Variants in PARD6G observed in about 807,000 individuals in gnomAD.
The protein encoded by PARD6G is partitioning defective 6 homolog gamma.
Under a neutral mutation model 10.7 loss-of-function variants are expected in PARD6G, and 7 were observed. The ratio of observed to expected loss-of-function variants is 0.66; its 90% confidence interval spans 0.37 to 1.23. The LOEUF is 1.23. Among genes scored for constraint, PARD6G ranks in the 50% most tolerant of loss-of-function variants. The pLI, the probability that PARD6G is intolerant of heterozygous loss-of-function variation, is 0.02. For synonymous variants in PARD6G, 287 were observed against 269.4 expected (o/e 1.07, Z -0.64); for missense variants, 548 against 571.8 (o/e 0.96, Z 0.42).
At position 80,200,546 on chromosome 18, in the gene PARD6G, G is replaced by A. The variant is rs1966998719; in HGVS notation, c.295+2164C>T. Among the ~76,000 whole-genome samples the A allele has an allele frequency of 6.6e-6, 1 of 152,160 alleles. No individual in the cohort carries two copies. The highest frequency in any genetic ancestry group is 1.5e-5 in the Non-Finnish European group (1 of 68,034). On this transcript the variant is annotated intron_variant, in intron 2 of 2. Transcript: ENST00000353265. This position sits in a 1 kb window ranked among gnomAD's most constrained non-coding sequence, Gnocchi z 4.4. ...TGTGTCACAAAGCCAGGGAGAAGGTGGGGTCTGAGTTCAGGTCTCCCTAGC... is the reference window on the plus strand; with the variant it reads ...TGTGTCACAAAGCCAGGGAGAAGGTAGGGTCTGAGTTCAGGTCTCCCTAGC...
intron 2 of PARD6G, among the ~76,000 whole-genome samples, chr18:80,168,282 A>G (rs754264200): frequency 2.0e-5 from 3 of 152,202 alleles, no homozygotes; most frequent in Admixed American, 6.5e-5. Flanking sequence ...TTCAGACAAC[A>G]ATCCGTTTCT....
intron 1 of PARD6G, among the ~76,000 whole-genome samples, chr18:80,207,877 C>A (rs778045806): frequency 6.6e-6 from 1 of 151,912 alleles, no homozygotes; most frequent in Non-Finnish European, 1.5e-5. Flanking sequence ...AATATTAGGA[C>A]AAAAATCTCT....
chr18:80,158,902 A>C lies in PARD6G; in HGVS notation c.*869T>G, dbSNP rs2052674121. The stretch of plus-strand genomic sequence containing the variant: ...CGGGTGCCATAAGTGTGCTGGTGGG[A>C]GCTCTCCTGTCCCAACCGAATTATG... On this transcript the variant is annotated 3_prime_UTR_variant, in exon 3 of 3. Coordinates refer to ENST00000353265, the MANE Select transcript of PARD6G (RefSeq NM_032510.4). 1 of 151,948 alleles carries C rather than the reference A, an allele frequency of 6.6e-6. No homozygotes were observed. The highest frequency in any genetic ancestry group is 6.6e-5 in the Admixed American group (1 of 15,252). 9.4% of individuals were successfully genotyped at this position (151,948 alleles called of 1,614,324 possible). A position where few individuals can be genotyped will look rare whatever the true frequency, so the allele number is the denominator to read the frequency against.
In PARD6G at chr18:80,165,195, A is replaced by G. The variant is rs151161290; in HGVS notation, c.296-4589T>C. On this transcript the variant is annotated intron_variant, in intron 2 of 2. Coordinates refer to ENST00000353265, the MANE Select transcript of PARD6G (RefSeq NM_032510.4). ...GTATCTCAGTCCTTATCTCAATCAC[A>G]TAAGACAGACATTCCCAGAGTGGCC... Among the ~76,000 whole-genome samples the G allele has an allele frequency of 8.8e-4, 134 of 152,302 alleles. 1 individual carries two copies. Among genetic ancestry groups the G allele is most frequent in the Middle Eastern group, 3.4e-3 (1 of 294 alleles).
chr18:80,173,261 A>T (rs1003698327), intron 2 of PARD6G, among the ~76,000 whole-genome samples: 1 of 152,208 alleles, frequency 6.6e-6, no homozygotes, highest in African/African-American at 2.4e-5. Context: ...TTTGTCGTGG[A>T]GGACAAAGAC....
chr18:80,224,252 T>C (rs1240459421), intron 1 of PARD6G, among the ~76,000 whole-genome samples: 2 of 152,218 alleles, frequency 1.3e-5, no homozygotes, highest in African/African-American at 2.4e-5. Flanking sequence ...TTAAAAGATA[T>C]TACAAACATA....
At chr18:80,229,873 G>A (rs1004747539) in intron 1 of PARD6G, among the ~76,000 whole-genome samples, 1 of 152,216 alleles carries the variant, frequency 6.6e-6, no homozygotes, top group African/African-American at 2.4e-5. Context: ...AGGGCAGTGT[G>A]GGCGGCCAGG....
intron 1 of PARD6G, among the ~76,000 whole-genome samples, chr18:80,233,412 G>T (rs1415721840): frequency 6.6e-6 from 1 of 152,138 alleles, no homozygotes. Context: ...GTGCTGATGG[G>T]CCCAAGGTGA....
intron 1 of PARD6G, among the ~76,000 whole-genome samples, chr18:80,235,191 A>T (rs1460717348): frequency 6.6e-6 from 1 of 152,222 alleles, no homozygotes; most frequent in Middle Eastern, 3.2e-3. Flanking sequence ...ACTAGAACTC[A>T]GGATTAAGAA....
chr18:80,237,763 C>T (rs1159471246), intron 1 of PARD6G, among the ~76,000 whole-genome samples: 1 of 152,126 alleles, frequency 6.6e-6, no homozygotes, highest in African/African-American at 2.4e-5. Flanking sequence ...TCATCACTGG[C>T]CATCAGAGAA....
chr18:80,162,714 G>GGATAT (rs996185496), intron 2 of PARD6G: 4 of 166,006 alleles, frequency 2.4e-5, no homozygotes, highest in African/African-American at 9.6e-5. Context: ...GATGTGCACA[G>GGATAT]GATATGATAG....
In PARD6G at chr18:80,228,631, T is replaced by C. The variant is rs1246175702; in HGVS notation, c.72+18646A>G. On this transcript the variant is annotated intron_variant, in intron 1 of 2. Coordinates refer to ENST00000353265, the MANE Select transcript of PARD6G (RefSeq NM_032510.4). The surrounding 1 kb of genome is among the most constrained non-coding windows in gnomAD (Gnocchi z 4.6). ...TGAAGCCCCACCCCCATCCACAGAC[T>C]GCGCCTCCCACCTAAGGCCCCGCCC... 7.0e-6 allele frequency among the ~76,000 whole-genome samples: 1 copy of C among 143,272 alleles called. No homozygotes were observed. The highest frequency in any genetic ancestry group is 7.0e-5 in the Admixed American group (1 of 14,198). 94.0% of individuals were successfully genotyped at this position (143,272 alleles called of 152,430 possible).
intron 1 of PARD6G, among the ~76,000 whole-genome samples, chr18:80,238,985 G>A (rs1190608745): frequency 6.6e-6 from 1 of 152,070 alleles, no homozygotes; most frequent in East Asian, 1.9e-4. Flanking sequence ...TTTAATCAGC[G>A]AAAGCCTTTT....
At position 80,184,808 on chromosome 18, in the gene PARD6G, C is replaced by T. The variant is rs1440284130; in HGVS notation, c.295+17902G>A. The T allele has an allele frequency of 6.6e-6, 1 of 152,200 alleles. No individual in the cohort carries two copies. The highest frequency in any genetic ancestry group is 1.9e-4 in the East Asian group (1 of 5,190). The allele number at this position is 152,200 out of a possible 1,614,324, so 9.4% of individuals were successfully genotyped here. On this transcript the variant is annotated intron_variant, in intron 2 of 2. Transcript: ENST00000353265. The surrounding 1 kb of genome is among the most constrained non-coding windows in gnomAD (Gnocchi z 4.5). ...TGGGGGTTGGGGGAATGGGGAGAGA[C>T]TACTTAACAGGCAGAGACTTGTTTT...
At chr18:80,238,493 A>AC (rs1487678200) in intron 1 of PARD6G, among the ~76,000 whole-genome samples, 1 of 150,116 alleles carries the variant, frequency 6.7e-6, no homozygotes, top group Non-Finnish European at 1.5e-5. Context: ...AAGTATAACA[A>AC]AAAAAAAAAC....
intron 1 of PARD6G, among the ~76,000 whole-genome samples, chr18:80,220,606 T>G (rs1482515611): frequency 2.0e-5 from 3 of 149,180 alleles, no homozygotes; most frequent in South Asian, 4.3e-4. Flanking sequence ...GCAATCTTTG[T>G]TTTTTTTTTA....
intron 1 of PARD6G, among the ~76,000 whole-genome samples, chr18:80,210,758 C>A (rs970950787): frequency 6.6e-6 from 1 of 152,210 alleles, no homozygotes; most frequent in Admixed American, 6.5e-5. Flanking sequence ...ATACTCCCTG[C>A]CAATTTTACA....
At position 80,160,137 on chromosome 18, in the gene PARD6G, G is replaced by A. The variant is rs752066664; in HGVS notation, c.765C>T (p.Asn255=). Residue 255 remains asparagine, a synonymous_variant, in exon 3 of 3, where the codon AAC becomes AAT. Coordinates refer to ENST00000353265, the MANE Select transcript of PARD6G (RefSeq NM_032510.4). ...CCAACGCGCGGCCGCCGCGCACCAC[G>A]TTGTTGCGCTGGTTGGCGGGCTTGA... ...VTVKPANQRN[N]VVRGGRALGS... is the part of the protein sequence containing the mutation. 3 of 1,613,134 alleles carry A rather than the reference G, an allele frequency of 1.9e-6. No individual in the cohort carries two copies. The highest frequency in any genetic ancestry group is 2.5e-6 in the Non-Finnish European group (3 of 1,179,710).
At chr18:80,224,704 G>A (rs1357654277) in intron 1 of PARD6G, among the ~76,000 whole-genome samples, 1 of 152,102 alleles carries the variant, frequency 6.6e-6, no homozygotes, top group African/African-American at 2.4e-5. Context: ...AAAATTAGCC[G>A]GGCGTGATGG....
Sources: gnomAD v4.1 joint callset for allele counts (sites outside exome capture counted in the v4.1 genomes callset) on GRCh38, gnomAD v4.1.1 for gene constraint, Gnocchi (gnomAD v3.1) non-coding constraint, MANE v1.5 for transcripts, NCBI Gene and HGNC (gene_info 2026-07-23, HGNC 2026-07-21) for gene names.